The following KCNT2 variants were observed in gnomAD, a reference collection of about 807,000 sequenced individuals.
KCNT2 encodes the protein potassium channel subfamily T member 2.
Under a neutral mutation model 153.8 loss-of-function variants are expected in KCNT2, and 67 were observed. The ratio of observed to expected loss-of-function variants is 0.44; its 90% CI spans 0.36 to 0.53. KCNT2 has a LOEUF of 0.53. Ranked by LOEUF, KCNT2 falls within the 20% of genes least tolerant of loss-of-function variation. KCNT2 has a pLI of 0.00. For missense variants in KCNT2, 975 were observed against 1,354.8 expected, an observed-to-expected ratio of 0.72 and a Z score of 4.40; for synonymous variants, 500 against 458.8, an observed-to-expected ratio of 1.09 and a Z score of -1.15.
chr1:196,284,248 A>AAAAAAAAAAAAAAAATATAT, intron 23 of KCNT2, among the ~76,000 whole-genome samples: 3 of 10,050 alleles, frequency 3.0e-4, no homozygotes, highest in Non-Finnish European at 1.6e-3. Flanking sequence ...AAAAAAAAAA[A>AAAAAAAAAAAAAAAATATAT]ATATATATAT....
chr1:196,340,828 G>T lies in KCNT2; in HGVS notation c.1554-258C>A, dbSNP rs916168224. On this transcript the variant is annotated intron_variant, in intron 15 of 27. Transcript: ENST00000294725. Reference sequence around the variant, plus strand: ...AACATGAGTGCATGTATACACTAAGGGTAACATTATTTTGCGAATTTTTAC... The same window carrying T: ...AACATGAGTGCATGTATACACTAAGTGTAACATTATTTTGCGAATTTTTAC... Among the ~76,000 whole-genome samples the T allele has an allele frequency of 8.1e-4, 122 of 151,446 alleles. 1 individual carries two copies. Among genetic ancestry groups the T allele is most frequent in the African/African-American group, 2.8e-3 (116 of 41,344 alleles).
chr1:196,308,015 G>T (rs1345622900), intron 21 of KCNT2, among the ~76,000 whole-genome samples: 1 of 151,876 alleles, frequency 6.6e-6, no homozygotes, highest in East Asian at 1.9e-4. Flanking sequence ...TGGGGAAATA[G>T]AAACTAAAAT....
intron 22 of KCNT2, among the ~76,000 whole-genome samples, chr1:196,303,832 T>A (rs1055567763): frequency 2.6e-5 from 4 of 152,168 alleles, no homozygotes; most frequent in African/African-American, 9.6e-5. Context: ...TCTACCTCAC[T>A]TCCCATGAAG....
chr1:196,300,267 T>C (rs1315709635), intron 22 of KCNT2, among the ~76,000 whole-genome samples: 1 of 152,218 alleles, frequency 6.6e-6, no homozygotes, highest in Non-Finnish European at 1.5e-5. Flanking sequence ...CTTCACAATA[T>C]TTTTCATATT....
chr1:196,232,641 A>C (rs1349945666), intron 27 of KCNT2, among the ~76,000 whole-genome samples: 1 of 151,580 alleles, frequency 6.6e-6, no homozygotes, highest in African/African-American at 2.4e-5. Flanking sequence ...TAAAACTAAT[A>C]AAAAATAAGA....
chr1:196,316,095 C>T, intron 20 of KCNT2, 69 bp from the exon 21 acceptor site: 8 of 1,393,882 alleles, frequency 5.7e-6, no homozygotes, highest in Non-Finnish European at 8.0e-6. Context: ...GTGCTAAAGT[C>T]TAGCACTATC....
chr1:196,316,127 C>T, intron 20 of KCNT2, 101 bp from the exon 21 acceptor site: 2 of 1,047,704 alleles, frequency 1.9e-6, no homozygotes, highest in Non-Finnish European at 2.7e-6. Context: ...TATAAGTTGC[C>T]TTTAGAGGTG....
At chr1:196,533,061 T>C (rs968777655) in intron 1 of KCNT2, among the ~76,000 whole-genome samples, 2 of 152,130 alleles carry the variant, frequency 1.3e-5, no homozygotes, top group African/African-American at 4.8e-5. Flanking sequence ...ACTCATTTTG[T>C]GGGCAACCAA....
intron 1 of KCNT2, among the ~76,000 whole-genome samples, chr1:196,556,610 T>G (rs1658703951): frequency 6.6e-6 from 1 of 151,374 alleles, no homozygotes; most frequent in African/African-American, 2.4e-5. Flanking sequence ...AACCATACAG[T>G]CCAACAATCC....
rs548518629 is a variant in KCNT2, at chr1:196,351,921, T to C, written c.1404-9693A>G. 3.3e-5 allele frequency among the ~76,000 whole-genome samples: 5 copies of C among 152,344 alleles called. No homozygotes were observed. In the East Asian group the frequency reaches 9.6e-4, roughly 29 times the overall value. On this transcript the variant is annotated intron_variant, in intron 14 of 27. Coordinates refer to ENST00000294725, the MANE Select transcript of KCNT2 (RefSeq NM_198503.5). ...TGACAGTTTTTAGCATGAAGGGTTG[T>C]TGAATTTTGTCAATGGCCTTTTTTG...
At chr1:196,360,080 T>G (rs1667495459) in intron 14 of KCNT2, among the ~76,000 whole-genome samples, 1 of 152,110 alleles carries the variant, frequency 6.6e-6, no homozygotes, top group South Asian at 2.1e-4. Flanking sequence ...TTAATGAGTC[T>G]GCCTAGGAAA....
chr1:196,281,497 C>A (rs953311697), intron 24 of KCNT2, among the ~76,000 whole-genome samples: 2 of 152,094 alleles, frequency 1.3e-5, no homozygotes, highest in African/African-American at 4.8e-5. Flanking sequence ...ACTTGTTCCA[C>A]CCAATGTTCC....
At chr1:196,292,143 T>A (rs1393490432) in intron 22 of KCNT2, among the ~76,000 whole-genome samples, 1 of 152,200 alleles carries the variant, frequency 6.6e-6, no homozygotes, top group Non-Finnish European at 1.5e-5. Context: ...TGACCTAGGT[T>A]CTTAGCATAC....
At chr1:196,374,461 T>C (rs973814080) in intron 13 of KCNT2, among the ~76,000 whole-genome samples, 2 of 151,846 alleles carry the variant, frequency 1.3e-5, no homozygotes, top group Non-Finnish European at 2.9e-5. Context: ...TGGAAGAAAA[T>C]ATATACTATG....
Position 196,429,590 on chromosome 1 carries a change from A to G in KCNT2, c.806T>C (p.Val269Ala). Residue 269 changes from valine (V) to alanine (A), a missense_variant, in exon 9 of 28, where the codon GTT becomes GCT. Physicochemically the swap from Val to Ala is moderately conservative, Grantham distance 64. Transcript: ENST00000294725. Reference protein sequence around the residue: ...VVAMICVALVVLPIQFEQLAY... With the variant: ...VVAMICVALVALPIQFEQLAY... ...GGTTTTGTTTACCTGTATGGGTAGA[A>G]CCACAAGAGCAACACAAATCATAGC... 6.2e-7 allele frequency: 1 copy of G among 1,609,566 alleles called. No individual in the cohort carries two copies. The highest frequency in any genetic ancestry group is 1.3e-5 in the African/African-American group (1 of 74,770).
At chr1:196,471,913 TCA>T (rs1241562628) in intron 5 of KCNT2, among the ~76,000 whole-genome samples, 1 of 152,210 alleles carries the variant, frequency 6.6e-6, no homozygotes. Context: ...ATATGAAATT[TCA>T]CAGTTTGAAC....
intron 26 of KCNT2, among the ~76,000 whole-genome samples, chr1:196,253,100 T>C (rs1251685266): frequency 6.6e-6 from 1 of 151,292 alleles, no homozygotes; most frequent in Non-Finnish European, 1.5e-5. Flanking sequence ...TTAGGTAGAG[T>C]TCTCATCGAA....
At chr1:196,437,246 T>C in intron 8 of KCNT2, among the ~76,000 whole-genome samples, 1 of 103,036 alleles carries the variant, frequency 9.7e-6, no homozygotes, top group African/African-American at 3.2e-5. Flanking sequence ...ATATATATAT[T>C]TATATATTTT....
intron 13 of KCNT2, among the ~76,000 whole-genome samples, chr1:196,391,521 A>G (rs1228848114): frequency 6.6e-6 from 1 of 151,328 alleles, no homozygotes; most frequent in Non-Finnish European, 1.5e-5. Flanking sequence ...TTGAAAATAT[A>G]CAACTATAAA....
Sources: gnomAD v4.1 joint callset for allele counts (sites outside exome capture counted in the v4.1 genomes callset) on GRCh38, gnomAD v4.1.1 for gene constraint, MANE v1.5 for transcripts, NCBI Gene and HGNC (gene_info 2026-07-23, HGNC 2026-07-21) for gene names.